Variants in ZFYVE16 observed in about 807,000 individuals in gnomAD.
ZFYVE16 encodes zinc finger FYVE domain-containing protein 16.
In ZFYVE16, 89 loss-of-function variants were observed where a neutral mutation model predicts 138.1. The observed-to-expected ratio is 0.64, with a 90% CI of 0.54 to 0.77. ZFYVE16 has a LOEUF of 0.77. ZFYVE16 is among the 30% of genes least tolerant of loss of function. ZFYVE16 has a pLI of 0.00. For missense variants in ZFYVE16, 1,793 were observed against 1,786.7 expected (o/e 1.00, Z -0.06); for synonymous variants, 596 against 618.3 (o/e 0.96, Z 0.53).
chr5:80,458,280 TTATTAA>T (rs1471441297), intron 14 of ZFYVE16, among the ~76,000 whole-genome samples: 1 of 152,078 alleles, frequency 6.6e-6, no homozygotes, highest in Non-Finnish European at 1.5e-5. Flanking sequence ...AATTAAAAAG[TTATTAA>T]TATTTATAGT....
In ZFYVE16 at chr5:80,482,823, T is replaced by G. The variant is rs1755319108; in HGVS notation, c.*5446T>G. ...AATCCTTTATCCAGCAAATATATTCTTTAGGAAAGAAAATGAAATAAAGAC... is the reference window on the plus strand; with the variant it reads ...AATCCTTTATCCAGCAAATATATTCGTTAGGAAAGAAAATGAAATAAAGAC... On this transcript the variant is annotated 3_prime_UTR_variant, in exon 19 of 19. Transcript: ENST00000505560. The G allele has an allele frequency of 6.6e-6, 1 of 152,058 alleles. No homozygotes were observed. The highest frequency in any genetic ancestry group is 1.5e-5 in the Non-Finnish European group (1 of 67,998). 9.4% of individuals were successfully genotyped at this position (152,058 alleles called of 1,614,324 possible). A position where few individuals can be genotyped will look rare whatever the true frequency, so the allele number is the denominator to read the frequency against.
chr5:80,457,075 C>A lies in ZFYVE16; in HGVS notation c.3926C>A (p.Thr1309Asn). The A allele has an allele frequency of 2.5e-6, 4 of 1,611,798 alleles. No individual in the cohort carries two copies. The highest frequency in any genetic ancestry group is 3.4e-6 in the Non-Finnish European group (4 of 1,179,252). ...TATGAAACACAGGCCAACAGTGCCA[C>A]TGGCCATCCTAGAAAAGGTGAGCAT... ...GIYETQANSA[T>N]GHPRKVTGAS... Residue 1309 changes from threonine (T) to asparagine (N), a missense_variant, in exon 14 of 19, where the codon ACT (threonine) becomes AAT (asparagine). Physicochemically the swap from Thr to Asn is moderately conservative, Grantham distance 65 (BLOSUM62 0). Transcript: ENST00000505560.
chr5:80,420,098 G>C (rs1397614839), intron 1 of ZFYVE16, among the ~76,000 whole-genome samples: 3 of 146,178 alleles, frequency 2.1e-5, no homozygotes, highest in African/African-American at 5.0e-5. Flanking sequence ...GCGTGAGCCA[G>C]CGCGCCTGGC....
At chr5:80,435,857 A>G in intron 3 of ZFYVE16, 1 of 244,348 alleles carries the variant, frequency 4.1e-6, no homozygotes, top group South Asian at 3.5e-5. Context: ...TTACAGTTGT[A>G]AGCCACCATT....
At chr5:80,419,474 A>G (rs766872409) in intron 1 of ZFYVE16, among the ~76,000 whole-genome samples, 6 of 152,146 alleles carry the variant, frequency 3.9e-5, no homozygotes, top group Admixed American at 2.0e-4. Flanking sequence ...GCATCTTTAA[A>G]TTAGGTAGTG....
At chr5:80,447,990 A>G (rs1352423042) in intron 7 of ZFYVE16, 36 bp from the exon 8 acceptor site, 1 of 1,508,158 alleles carries the variant, frequency 6.6e-7, no homozygotes, top group Non-Finnish European at 8.9e-7. Context: ...GAGAATATGA[A>G]CTGATTTGTT....
intron 18 of ZFYVE16, among the ~76,000 whole-genome samples, chr5:80,475,803 A>C (rs1346192458): frequency 6.6e-6 from 1 of 152,242 alleles, no homozygotes; most frequent in Non-Finnish European, 1.5e-5. Context: ...TTGCTTTTAC[A>C]TAAGCGTAAG....
At chr5:80,467,890 G>T (rs1753899473) in intron 15 of ZFYVE16, among the ~76,000 whole-genome samples, 1 of 152,156 alleles carries the variant, frequency 6.6e-6, no homozygotes, top group African/African-American at 2.4e-5. Flanking sequence ...AGGAAAGCAT[G>T]AGAATGATGT....
chr5:80,425,407 C>A (rs139740896), intron 1 of ZFYVE16, among the ~76,000 whole-genome samples: 86 of 152,174 alleles, frequency 5.7e-4, no homozygotes, highest in Middle Eastern at 3.4e-3. Context: ...CTTGTAAAAC[C>A]CTCTTATTTG....
intron 1 of ZFYVE16, among the ~76,000 whole-genome samples, chr5:80,417,381 G>C (rs570157085): frequency 6.6e-6 from 1 of 152,158 alleles, no homozygotes; most frequent in African/African-American, 2.4e-5. Flanking sequence ...ATAATTTTTT[G>C]AAAATTTGCA....
chr5:80,426,230 A>C (rs62365283), intron 1 of ZFYVE16, among the ~76,000 whole-genome samples: 12 of 87,558 alleles, frequency 1.4e-4, no homozygotes, highest in African/African-American at 3.5e-4. Context: ...GTGTGTGTGT[A>C]TGTGTGTGTG....
chr5:80,434,325 C>G, intron 3 of ZFYVE16, 108 bp downstream of exon 3: 1 of 1,071,700 alleles, frequency 9.3e-7, no homozygotes, highest in Non-Finnish European at 1.4e-6. Context: ...ATTTTGGTCA[C>G]GTTATCTTCT....
rs750865873 is a variant in ZFYVE16 at position 80,438,390 on chromosome 5, T to C, written c.1705T>C (p.Leu569=). Residue 569 remains leucine, a synonymous_variant, in exon 4 of 19, where the codon TTA becomes CTA. Transcript: ENST00000505560. ...AATGAATCAGATAGATATGAAAGGC[T>C]TAGATGATGGAAACATCAATAATAT... ...SQMNQIDMKG[L]DDGNINNIYF... 22 of 1,613,770 alleles carry C rather than the reference T, an allele frequency of 1.4e-5. No individual in the cohort carries two copies. The highest frequency in any genetic ancestry group is 1.9e-5 in the Non-Finnish European group (22 of 1,179,922).
rs1202148334 is a variant in ZFYVE16 at position 80,469,973 on chromosome 5, ATTC to A, written c.4025-2785_4025-2783del. 4.1e-5 allele frequency among the ~76,000 whole-genome samples: 6 copies of A among 145,520 alleles called. No homozygotes were observed. In the East Asian group the frequency reaches 1.2e-3, roughly 30 times the overall value. On this transcript the variant is annotated intron_variant, in intron 15 of 18. Transcript: ENST00000505560. ...TTTATTTAGCCCATATTTGCTTTTT[ATTC>A]TTTGAATGCGTTTCCTTTATGTCTT...
rs749417946 is a variant in ZFYVE16, at chr5:80,480,915, G to GA, written c.*3544dup. On this transcript the variant is annotated 3_prime_UTR_variant, in exon 19 of 19. Transcript: ENST00000505560. ...ACCTTGTCTCAAAAAAAAGGAAAAA[G>GA]AAAAAAGACATTTAACAGGAAAACT... 3.3e-5 allele frequency among the ~76,000 whole-genome samples: 5 copies of GA among 152,060 alleles called. No homozygotes were observed. The highest frequency in any genetic ancestry group is 6.5e-5 in the Admixed American group (1 of 15,282).
intron 15 of ZFYVE16, among the ~76,000 whole-genome samples, chr5:80,471,598 C>T (rs575117852): frequency 7.9e-5 from 12 of 152,250 alleles, no homozygotes; most frequent in African/African-American, 2.2e-4. Context: ...GACCAGAAGG[C>T]GGTGACCCCC....
chr5:80,429,521 T>C (rs1045111203), intron 2 of ZFYVE16, among the ~76,000 whole-genome samples: 2 of 152,152 alleles, frequency 1.3e-5, no homozygotes, highest in Admixed American at 6.5e-5. Flanking sequence ...AGACCATCGA[T>C]GCTAGGAAGT....
rs1229667636 is a variant in ZFYVE16, at chr5:80,455,986, C to A, written c.3690+212C>A. 5 of 487,940 alleles carry A rather than the reference C, an allele frequency of 1.0e-5. No homozygotes were observed. The East Asian group carries it at 1.6e-4, about 16-fold the overall frequency. The allele number at this position is 487,940 out of a possible 1,614,324, so 30.2% of individuals were successfully genotyped here. ...GTACTATCTCCTCATGTACGTGTACCTGATTCTAAGTGCCTTTTGATTCAT... is the reference window on the plus strand; with the variant it reads ...GTACTATCTCCTCATGTACGTGTACATGATTCTAAGTGCCTTTTGATTCAT... On this transcript the variant is annotated intron_variant, in intron 12 of 18. Transcript: ENST00000505560.
intron 1 of ZFYVE16, among the ~76,000 whole-genome samples, chr5:80,413,590 C>T (rs1397055729): frequency 6.6e-6 from 1 of 152,094 alleles, no homozygotes; most frequent in Non-Finnish European, 1.5e-5. Flanking sequence ...CTGTCTGAAT[C>T]ACTGAACAAG....
Sources: allele counts gnomAD v4.1 joint callset (sites outside exome capture counted in the v4.1 genomes callset), GRCh38; gene constraint gnomAD v4.1.1; transcripts MANE v1.5; gene names NCBI Gene and HGNC (gene_info 2026-07-23, HGNC 2026-07-21).